Variants in ZNF385D observed in about 807,000 individuals in gnomAD.
The protein encoded by ZNF385D is zinc finger protein 659.
ZNF385D carries 15 observed loss-of-function variants against 35.8 expected under a neutral mutation model. That is an observed-to-expected ratio of 0.42 (90% CI 0.28 to 0.64). The LOEUF (loss-of-function observed/expected upper bound fraction) is 0.64, where lower values mean the gene tolerates loss of function less well. ZNF385D is among the 30% of genes least tolerant of loss of function. The pLI is 0.23. For synonymous variants in ZNF385D, 212 were observed against 186.8 expected (o/e 1.13, Z -1.10); for missense variants, 474 against 494.6 (o/e 0.96, Z 0.39).
intron 2 of ZNF385D, among the ~76,000 whole-genome samples, chr3:22,206,482 T>C (rs1203460187): frequency 6.6e-6 from 1 of 151,974 alleles, no homozygotes; most frequent in African/African-American, 2.4e-5. Context: ...ATACACATTC[T>C]TACCAGCATA....
At chr3:21,892,877 AAATAG>A (rs1214191562) in intron 3 of ZNF385D, among the ~76,000 whole-genome samples, 5 of 152,182 alleles carry the variant, frequency 3.3e-5, no homozygotes, top group African/African-American at 9.6e-5. Flanking sequence ...TTACAAAATG[AAATAG>A]AATAGAATAG....
intron 1 of ZNF385D, 44 bp from the exon 2 acceptor site, chr3:21,665,072 T>G: frequency 6.6e-7 from 1 of 1,523,696 alleles, no homozygotes; most frequent in Non-Finnish European, 8.8e-7. Flanking sequence ...ACACCACGCA[T>G]GGAAAAAAAC....
chr3:21,552,281 T>G (rs2062593534), intron 3 of ZNF385D, among the ~76,000 whole-genome samples: 1 of 152,206 alleles, frequency 6.6e-6, no homozygotes, highest in African/African-American at 2.4e-5. Flanking sequence ...TTCTTACATA[T>G]GGATCAATTG....
intron 4 of ZNF385D, among the ~76,000 whole-genome samples, chr3:21,457,269 T>C (rs751509739): frequency 2.0e-5 from 3 of 152,182 alleles, no homozygotes; most frequent in Non-Finnish European, 4.4e-5. Flanking sequence ...ATTTTTCATC[T>C]CTTTAAAATT....
At chr3:21,533,074 A>G (rs934479888) in intron 3 of ZNF385D, among the ~76,000 whole-genome samples, 2 of 152,202 alleles carry the variant, frequency 1.3e-5, no homozygotes, top group Non-Finnish European at 2.9e-5. Flanking sequence ...GCATAAAGCT[A>G]CAGTGACAAA....
chr3:21,525,588 G>A (rs923884325), intron 3 of ZNF385D, among the ~76,000 whole-genome samples: 2 of 151,298 alleles, frequency 1.3e-5, no homozygotes, highest in African/African-American at 4.9e-5. Flanking sequence ...GGAGGCTGAG[G>A]GAGGAGAATT....
intron 3 of ZNF385D, among the ~76,000 whole-genome samples, chr3:22,142,787 T>C (rs971338360): frequency 6.6e-6 from 1 of 152,000 alleles, no homozygotes; most frequent in Non-Finnish European, 1.5e-5. Flanking sequence ...GGTCTGCCTG[T>C]TTTCCCAAGC....
At chr3:21,937,009 A>G (rs1701293509) in intron 3 of ZNF385D, among the ~76,000 whole-genome samples, 1 of 152,182 alleles carries the variant, frequency 6.6e-6, no homozygotes, top group Non-Finnish European at 1.5e-5. Context: ...GTTGTAATGT[A>G]ACATTGTAAT....
intron 2 of ZNF385D, among the ~76,000 whole-genome samples, chr3:22,178,368 C>T (rs1290857187): frequency 2.0e-5 from 3 of 152,188 alleles, no homozygotes; most frequent in African/African-American, 4.8e-5. Context: ...TGTCTTTTGG[C>T]TGCATTAATG....
chr3:21,464,743 A>AACACACACACACACACACACAC (rs6147726), intron 4 of ZNF385D, among the ~76,000 whole-genome samples: 14,581 of 150,096 alleles, frequency 0.097, 776 homozygotes, highest in East Asian at 0.18. Flanking sequence ...AATAAATTAA[A>AACACACACACACACACACACAC]ACACACACAC....
chr3:22,319,170 G>T (rs1203241941), intron 2 of ZNF385D, among the ~76,000 whole-genome samples: 1 of 151,948 alleles, frequency 6.6e-6, no homozygotes, highest in East Asian at 1.9e-4. Context: ...AGCACATGGG[G>T]GAAAAATGCC....
At chr3:22,157,697 T>C (rs920578980) in intron 3 of ZNF385D, among the ~76,000 whole-genome samples, 16 of 152,290 alleles carry the variant, frequency 1.1e-4, no homozygotes, top group Non-Finnish European at 2.1e-4. Context: ...AAATAAAATC[T>C]TGAAGTAAAA....
chr3:21,976,788 C>A (rs113107871), intron 3 of ZNF385D, among the ~76,000 whole-genome samples: 8,560 of 152,160 alleles, frequency 0.056, 400 homozygotes, highest in African/African-American at 0.12. Context: ...GTCAGGAGTT[C>A]GAGAACATCC....
chr3:21,478,396 G>A (rs1179697935), intron 4 of ZNF385D, among the ~76,000 whole-genome samples: 1 of 152,096 alleles, frequency 6.6e-6, no homozygotes, highest in Non-Finnish European at 1.5e-5. Context: ...AAGGATAAAA[G>A]AGTTGAAGTA....
chr3:21,701,097 T>G (rs895927791), intron 1 of ZNF385D, among the ~76,000 whole-genome samples: 4 of 152,122 alleles, frequency 2.6e-5, no homozygotes, highest in Non-Finnish European at 5.9e-5. Context: ...TATTTCCTGA[T>G]GAGTTACCAT....
intron 3 of ZNF385D, among the ~76,000 whole-genome samples, chr3:22,056,454 C>T (rs1026486425): frequency 3.9e-5 from 6 of 152,000 alleles, no homozygotes; most frequent in Non-Finnish European, 5.9e-5. Context: ...GGAATGTCAC[C>T]AGGTGAAAGA....
At chr3:21,735,709 C>T (rs540764891) in intron 1 of ZNF385D, among the ~76,000 whole-genome samples, 28 of 152,234 alleles carry the variant, frequency 1.8e-4, no homozygotes, top group African/African-American at 5.8e-4. Flanking sequence ...TTTGTTGCTT[C>T]GACATCTCTG....
chr3:22,189,861 C>G (rs558774210), intron 2 of ZNF385D, among the ~76,000 whole-genome samples: 4 of 152,190 alleles, frequency 2.6e-5, no homozygotes, highest in Admixed American at 6.6e-5. Context: ...TTGAAAGTGT[C>G]CTGTTGTTCA....
intron 3 of ZNF385D, among the ~76,000 whole-genome samples, chr3:21,557,696 C>T (rs1256242365): frequency 1.3e-5 from 2 of 152,080 alleles, no homozygotes; most frequent in African/African-American, 4.8e-5. Flanking sequence ...AGGGAGGATT[C>T]CCTCTTTTTC....
Sources: gnomAD v4.1 joint callset for allele counts (sites outside exome capture counted in the v4.1 genomes callset) on GRCh38, gnomAD v4.1.1 for gene constraint, MANE v1.5 for transcripts, NCBI Gene and HGNC (gene_info 2026-07-23, HGNC 2026-07-21) for gene names.